NDUFB2: variants seen among roughly 807,000 people sequenced by gnomAD.
NDUFB2 encodes the protein NADH:ubiquinone oxidoreductase subunit B2.
A neutral mutation model predicts 13.4 loss-of-function variants in NDUFB2; 13 were observed. The ratio of observed to expected loss-of-function variants is 0.97; its 90% CI spans 0.63 to 1.54. NDUFB2 has a LOEUF of 1.54. NDUFB2 is among the 40% of genes most tolerant of loss of function. The pLI, the probability that NDUFB2 is intolerant of heterozygous loss-of-function variation, is 0.00. For missense variants in NDUFB2, 150 were observed against 139.7 expected, an observed-to-expected ratio of 1.07 and a Z score of -0.37; for synonymous variants, 47 against 50.6, an observed-to-expected ratio of 0.93 and a Z score of 0.30.
intron 2 of NDUFB2, among the ~76,000 whole-genome samples, 189 bp from the exon 3 acceptor site, chr7:140,704,671 A>C (rs1794941437): frequency 6.6e-6 from 1 of 152,190 alleles, no homozygotes; most frequent in South Asian, 2.1e-4. Context: ...AATTCAGACC[A>C]GAGCCCATAT....
chr7:140,702,725 A>C, intron 1 of NDUFB2, 141 bp from the exon 2 acceptor site: 12 of 979,144 alleles, frequency 1.2e-5, no homozygotes, highest in Non-Finnish European at 1.6e-5. Flanking sequence ...GAGTATTTCA[A>C]GGGATTGTGA....
At chr7:140,704,762 GT>G (rs75730176) in intron 2 of NDUFB2, 97 bp from the exon 3 acceptor site, 22,475 of 613,846 alleles carry the variant, frequency 0.037, 44 homozygotes, top group African/African-American at 0.052. Context: ...GAGCCATATT[GT>G]TTTTTTTTTT....
chr7:140,704,737 C>A, intron 2 of NDUFB2, 123 bp from the exon 3 acceptor site: 2 of 604,604 alleles, frequency 3.3e-6, no homozygotes, highest in Non-Finnish European at 5.4e-6. Flanking sequence ...GAATTTGTTC[C>A]TGTGGTCAGG....
intron 1 of NDUFB2, chr7:140,697,265 T>C (rs1211459840): frequency 1.4e-6 from 1 of 701,034 alleles, no homozygotes; most frequent in East Asian, 2.7e-5. Flanking sequence ...GGTGCCTGGC[T>C]GCGGAATTTA....
chr7:140,699,639 C>T (rs1401467281), intron 1 of NDUFB2, among the ~76,000 whole-genome samples: 1 of 152,102 alleles, frequency 6.6e-6, no homozygotes, highest in Non-Finnish European at 1.5e-5. Context: ...GGCTGCGTCT[C>T]TTTCCCCACA....
At chr7:140,706,072 TATG>T (rs1346879128) in intron 3 of NDUFB2, 7 of 149,590 alleles carry the variant, frequency 4.7e-5, no homozygotes, top group African/African-American at 1.5e-4. Context: ...TATGTTATGT[TATG>T]TTATGTTATG....
intron 1 of NDUFB2, chr7:140,700,787 C>CA (rs34168286): frequency 0.14 from 15,716 of 116,338 alleles, 1,129 homozygotes; most frequent in African/African-American, 0.25. Flanking sequence ...GACTCCGTCT[C>CA]AAAAAAAAAA....
intron 1 of NDUFB2, 39 bp downstream of exon 1, chr7:140,696,881 T>C (rs753927682): frequency 2.8e-5 from 44 of 1,553,762 alleles, no homozygotes; most frequent in Non-Finnish European, 3.7e-5. Context: ...CGCCGGCCTG[T>C]AGCGGACAGC....
At chr7:140,702,730 T>C in intron 1 of NDUFB2, 136 bp from the exon 2 acceptor site, 1 of 1,025,264 alleles carries the variant, frequency 9.8e-7, no homozygotes, top group Non-Finnish European at 1.4e-6. Context: ...TTTCAAGGGA[T>C]TGTGAACTTC....
chr7:140,705,434 G>C (rs117865960), intron 3 of NDUFB2: 2,927 of 151,972 alleles, frequency 0.019, 49 homozygotes, highest in Non-Finnish European at 0.03. Context: ...TTTCACATTT[G>C]CTTTGGTCTC....
chr7:140,697,368 G>T lies in NDUFB2; in HGVS notation c.98+526G>T, dbSNP rs1458234451. On this transcript the variant is annotated intron_variant, in intron 1 of 3. Coordinates refer to ENST00000247866, the MANE Select transcript of NDUFB2 (RefSeq NM_004546.3). ...ACTCTGGCTGCAGGGAGTGGAGGCT[G>T]TCGCCCAGAGAGAGCGCCGTCGGGT... The T allele has an allele frequency of 1.0e-5, 7 of 702,956 alleles. No homozygotes were observed. The Admixed American group carries it at 1.2e-4, about 12-fold the overall frequency. The allele number at this position is 702,956 out of a possible 1,614,324, so 43.5% of individuals were successfully genotyped here.
At chr7:140,703,523 ACT>A (rs1483323078) in intron 2 of NDUFB2, among the ~76,000 whole-genome samples, 1 of 151,550 alleles carries the variant, frequency 6.6e-6, no homozygotes, top group Non-Finnish European at 1.5e-5. Flanking sequence ...GATCCACCTG[ACT>A]CAGCCTCCCA....
intron 1 of NDUFB2, chr7:140,701,868 G>A (rs1029162136): frequency 8.7e-5 from 41 of 472,710 alleles, no homozygotes; most frequent in African/African-American, 3.4e-4. Context: ...CCCAGGAGGC[G>A]GAGGTTGCAG....
intron 1 of NDUFB2, chr7:140,697,137 G>C: frequency 1.7e-6 from 1 of 589,666 alleles, no homozygotes; most frequent in South Asian, 2.0e-5. Flanking sequence ...TGAGCCAGTC[G>C]GCGCCGGCGC....
At chr7:140,702,148 CTT>C in intron 1 of NDUFB2, 1 of 647,696 alleles carries the variant, frequency 1.5e-6, no homozygotes, top group Non-Finnish European at 2.8e-6. Context: ...TAGGAATTCT[CTT>C]AAAAATTTTT....
intron 2 of NDUFB2, among the ~76,000 whole-genome samples, chr7:140,704,221 A>G (rs756479866): frequency 1.4e-4 from 21 of 152,196 alleles, no homozygotes; most frequent in Admixed American, 1.3e-4. Flanking sequence ...TAGGAAAAAA[A>G]TCTTAAGCAG....
intron 1 of NDUFB2, 66 bp downstream of exon 1, chr7:140,696,908 C>T: frequency 1.4e-6 from 2 of 1,451,268 alleles, no homozygotes; most frequent in East Asian, 2.5e-5. Flanking sequence ...CCCTGGGACG[C>T]TCTCACCTTG....
intron 1 of NDUFB2, chr7:140,697,514 G>C (rs1470834906): frequency 4.5e-6 from 2 of 439,950 alleles, no homozygotes; most frequent in Non-Finnish European, 7.4e-6. Flanking sequence ...CTGGGGGTGC[G>C]AGGTAGGGAG....
intron 2 of NDUFB2, 98 bp downstream of exon 2, chr7:140,703,108 T>C: frequency 6.8e-7 from 1 of 1,466,230 alleles, no homozygotes; most frequent in Non-Finnish European, 9.3e-7. Flanking sequence ...TTTTTCTGTC[T>C]GGACATCGCC....
Sources: gnomAD v4.1 joint callset for allele counts (sites outside exome capture counted in the v4.1 genomes callset) on GRCh38, gnomAD v4.1.1 for gene constraint, MANE v1.5 for transcripts, NCBI Gene and HGNC (gene_info 2026-07-23, HGNC 2026-07-21) for gene names.